The following PCP4 variants were observed in gnomAD, a reference collection of about 807,000 sequenced individuals.
PCP4 encodes calmodulin regulator protein PCP4.
In PCP4, 8 loss-of-function variants were observed where a neutral mutation model predicts 10.0. The ratio of observed to expected loss-of-function variants is 0.80; its 90% CI spans 0.47 to 1.45. PCP4 has a LOEUF of 1.45. PCP4 is among the 40% of genes most tolerant of loss of function. The pLI is 0.00. For synonymous variants in PCP4, 21 were observed against 23.0 expected, an observed-to-expected ratio of 0.91 and a Z score of 0.24; for missense variants, 54 against 74.4, an observed-to-expected ratio of 0.73 and a Z score of 1.01.
chr21:39,899,464 A>T (rs894561127), intron 2 of PCP4, among the ~76,000 whole-genome samples: 1 of 152,054 alleles, frequency 6.6e-6, no homozygotes, highest in Non-Finnish European at 1.5e-5. Context: ...GGGCCTCACA[A>T]CCCCTTTGGA....
At chr21:39,926,999 T>C (rs2087624866) in intron 2 of PCP4, among the ~76,000 whole-genome samples, 1 of 152,192 alleles carries the variant, frequency 6.6e-6, no homozygotes. Context: ...TTTATGAGCA[T>C]TGGCAGCAAG....
chr21:39,875,313 T>A (rs2087339611), intron 1 of PCP4, among the ~76,000 whole-genome samples: 1 of 152,152 alleles, frequency 6.6e-6, no homozygotes. Context: ...GGGTCAAATT[T>A]TGAGCTGAGT....
intron 1 of PCP4, among the ~76,000 whole-genome samples, chr21:39,891,496 C>T (rs751481190): frequency 1.3e-5 from 2 of 152,212 alleles, no homozygotes; most frequent in East Asian, 1.9e-4. Flanking sequence ...GGGTCCAGCC[C>T]TACGGGGCTT....
chr21:39,877,032 C>A (rs571287754), intron 1 of PCP4, among the ~76,000 whole-genome samples: 1 of 152,202 alleles, frequency 6.6e-6, no homozygotes, highest in Non-Finnish European at 1.5e-5. Context: ...GAGTGTCCAA[C>A]GATGAATCTT....
intron 2 of PCP4, 101 bp downstream of exon 2, chr21:39,898,628 A>C (rs773758860): frequency 1.7e-5 from 15 of 870,144 alleles, no homozygotes; most frequent in Non-Finnish European, 2.5e-5. Context: ...ACAGCTTACT[A>C]TATGTGTCTG....
At chr21:39,875,900 T>C (rs750379793) in intron 1 of PCP4, among the ~76,000 whole-genome samples, 11 of 152,172 alleles carry the variant, frequency 7.2e-5, no homozygotes, top group Non-Finnish European at 1.3e-4. Flanking sequence ...GACTTTTTGG[T>C]AACTGTACTT....
chr21:39,919,845 AGTG>A (rs1264035901), intron 2 of PCP4, among the ~76,000 whole-genome samples: 1 of 146,452 alleles, frequency 6.8e-6, no homozygotes, highest in Admixed American at 6.8e-5. Flanking sequence ...TTGTGTGTGT[AGTG>A]TGGTGTGTTT....
chr21:39,908,757 T>G (rs752689944), intron 2 of PCP4, among the ~76,000 whole-genome samples: 7 of 152,050 alleles, frequency 4.6e-5, no homozygotes, highest in Non-Finnish European at 8.8e-5. Context: ...TGCCTGGGGC[T>G]GTAGGTGTTG....
chr21:39,904,774 A>G (rs1000087964), intron 2 of PCP4, among the ~76,000 whole-genome samples: 2 of 152,164 alleles, frequency 1.3e-5, no homozygotes, highest in Non-Finnish European at 2.9e-5. Context: ...CAGAGGGTGC[A>G]GGTGTCTGGA....
At chr21:39,909,263 A>T (rs1408104329) in intron 2 of PCP4, among the ~76,000 whole-genome samples, 2 of 152,154 alleles carry the variant, frequency 1.3e-5, no homozygotes, top group African/African-American at 4.8e-5. Flanking sequence ...TTCTTTTACT[A>T]TCGCTTTTTC....
intron 2 of PCP4, among the ~76,000 whole-genome samples, chr21:39,926,965 A>G (rs1397822792): frequency 1.3e-5 from 2 of 152,212 alleles, no homozygotes; most frequent in Non-Finnish European, 2.9e-5. Flanking sequence ...ATTCCTGAAC[A>G]TTGGTGCACT....
intron 2 of PCP4, among the ~76,000 whole-genome samples, chr21:39,905,589 C>T (rs1172586561): frequency 6.6e-6 from 1 of 152,154 alleles, no homozygotes; most frequent in East Asian, 1.9e-4. Flanking sequence ...TTGTTTTGCC[C>T]TTCAGAGTGA....
At chr21:39,920,182 G>A (rs1426550093) in intron 2 of PCP4, among the ~76,000 whole-genome samples, 3 of 149,212 alleles carry the variant, frequency 2.0e-5, no homozygotes, top group African/African-American at 7.4e-5. Context: ...TGTGTGTGGT[G>A]TGTGTTTGTG....
At chr21:39,927,520 A>G (rs2087630880) in intron 2 of PCP4, among the ~76,000 whole-genome samples, 1 of 152,056 alleles carries the variant, frequency 6.6e-6, no homozygotes, top group African/African-American at 2.4e-5. Flanking sequence ...TCCCTAAACA[A>G]GGTAGTGGAT....
At chr21:39,869,368 G>A (rs2087308994) in intron 1 of PCP4, among the ~76,000 whole-genome samples, 3 of 152,210 alleles carry the variant, frequency 2.0e-5, no homozygotes, top group South Asian at 4.1e-4. Flanking sequence ...CCTGCTGAAC[G>A]GGTAATCAGG....
chr21:39,895,960 T>C (rs943352381), intron 1 of PCP4, among the ~76,000 whole-genome samples: 1 of 152,204 alleles, frequency 6.6e-6, no homozygotes, highest in African/African-American at 2.4e-5. Context: ...AATAACGAGT[T>C]CTTTTTTTGT....
At chr21:39,917,427 G>A (rs2087574534) in intron 2 of PCP4, among the ~76,000 whole-genome samples, 1 of 152,184 alleles carries the variant, frequency 6.6e-6, no homozygotes, top group African/African-American at 2.4e-5. Context: ...TTCCACCCCT[G>A]AGACATCGGG....
chr21:39,926,049 G>A (rs1271719317), intron 2 of PCP4: 3 of 456,078 alleles, frequency 6.6e-6, no homozygotes, highest in Admixed American at 2.3e-5. Context: ...CACTGCAGTC[G>A]GGTGCCCCAT....
chr21:39,912,616 A>T (rs1488359851), intron 2 of PCP4, among the ~76,000 whole-genome samples: 1 of 152,114 alleles, frequency 6.6e-6, no homozygotes, highest in African/African-American at 2.4e-5. Flanking sequence ...AAAAGTCTGG[A>T]GCTTCAGAAC....
Sources: allele counts gnomAD v4.1 joint callset (sites outside exome capture counted in the v4.1 genomes callset), GRCh38; gene constraint gnomAD v4.1.1; transcripts MANE v1.5; gene names NCBI Gene and HGNC (gene_info 2026-07-23, HGNC 2026-07-21).